JAM2: variants seen among roughly 807,000 people sequenced by gnomAD.
JAM2 encodes junctional adhesion molecule B.
Under a neutral mutation model 42.0 loss-of-function variants are expected in JAM2, and 17 were observed. The ratio of observed to expected loss-of-function variants is 0.40; its 90% CI spans 0.28 to 0.61. The LOEUF is 0.61. Among genes scored for constraint, JAM2 ranks in the 20% least tolerant of loss-of-function variants. The pLI is 0.37. For missense variants in JAM2, 319 were observed against 358.3 expected, an observed-to-expected ratio of 0.89 and a Z score of 0.89; for synonymous variants, 118 against 128.6, an observed-to-expected ratio of 0.92 and a Z score of 0.56.
chr21:25,690,271 C>T (rs1367853321), intron 3 of JAM2, among the ~76,000 whole-genome samples: 2 of 151,706 alleles, frequency 1.3e-5, no homozygotes, highest in Non-Finnish European at 1.5e-5. Flanking sequence ...CTTCCTTTCT[C>T]TTCTTTCTTT....
At position 25,682,460 on chromosome 21, in the gene JAM2, G is replaced by C. The variant is rs547414664; in HGVS notation, c.68-1423G>C. ...ATGGGAGAGTTCCCTGATCCCCCTC[G>C]CAGGACGTGCGACAGGGGTGTGGCT... On this transcript the variant is annotated intron_variant, in intron 1 of 9. Transcript: ENST00000480456. 8.1e-4 allele frequency among the ~76,000 whole-genome samples: 123 copies of C among 152,280 alleles called. 1 individual carries two copies. Among genetic ancestry groups the C allele is most frequent in the African/African-American group, 2.8e-3 (118 of 41,560 alleles).
chr21:25,662,139 T>C (rs1001611355), intron 1 of JAM2, among the ~76,000 whole-genome samples: 1 of 150,638 alleles, frequency 6.6e-6, no homozygotes, highest in Admixed American at 6.6e-5. Flanking sequence ...AACTTAATAC[T>C]TTTTTTTATT....
chr21:25,639,684 A>G lies in JAM2; in HGVS notation c.-138A>G, dbSNP rs2032368017. The G allele has an allele frequency of 5.1e-6, 3 of 585,138 alleles. No homozygotes were observed. The highest frequency in any genetic ancestry group is 4.5e-4 in the Middle Eastern group (1 of 2,214). 36.2% of individuals were successfully genotyped at this position (585,138 alleles called of 1,614,324 possible). A position where few individuals can be genotyped will look rare whatever the true frequency, so the allele number is the denominator to read the frequency against. ...GGAGGGGGAAACTGACATCCCATCT[A>G]GAGCCGTCCCTCCTCTTCCTCCCCT... On this transcript the variant is annotated 5_prime_UTR_variant, in exon 1 of 10. Coordinates refer to ENST00000480456, the MANE Select transcript of JAM2 (RefSeq NM_021219.4).
chr21:25,706,040 T>A lies in JAM2; in HGVS notation c.759T>A (p.Val253=). ...AVVVVALVIS[V]CGLGVCYAQR... is the part of the protein sequence containing the mutation. ...TAGTTGTGGCCTTAGTGATTTCCGT[T>A]TGTGGCCTTGGTGTATGCTATGCTC... The change falls in exon 7 of 10, where the codon GTT becomes GTA. Residue 253 remains valine, a synonymous_variant. Coordinates refer to ENST00000480456, the MANE Select transcript of JAM2 (RefSeq NM_021219.4). 1 of 1,613,998 alleles carries A rather than the reference T, an allele frequency of 6.2e-7. No individual in the cohort carries two copies.
At chr21:25,675,786 C>A (rs772534218) in intron 1 of JAM2, among the ~76,000 whole-genome samples, 5 of 152,098 alleles carry the variant, frequency 3.3e-5, no homozygotes, top group Non-Finnish European at 5.9e-5. Flanking sequence ...ACCAGCCCGA[C>A]TTCCAGCATT....
At chr21:25,681,235 C>T (rs2033623307) in intron 1 of JAM2, among the ~76,000 whole-genome samples, 1 of 152,172 alleles carries the variant, frequency 6.6e-6, no homozygotes, top group African/African-American at 2.4e-5. Flanking sequence ...AAATTGTCTA[C>T]TTGAGATGAC....
At chr21:25,652,286 C>T (rs566289460) in intron 1 of JAM2, among the ~76,000 whole-genome samples, 2 of 151,948 alleles carry the variant, frequency 1.3e-5, no homozygotes, top group Non-Finnish European at 2.9e-5. Context: ...CAGCTACTCA[C>T]GAGGCTGAGG....
intron 1 of JAM2, among the ~76,000 whole-genome samples, chr21:25,655,446 C>A (rs1600997582): frequency 8.2e-6 from 1 of 121,396 alleles, no homozygotes. Flanking sequence ...ATAAATAGAA[C>A]AAAGTGAATT....
chr21:25,701,831 A>C (rs936913666), intron 5 of JAM2, among the ~76,000 whole-genome samples: 1 of 152,098 alleles, frequency 6.6e-6, no homozygotes, highest in Non-Finnish European at 1.5e-5. Context: ...GATGTTTCCT[A>C]GGAATTAGAA....
At chr21:25,682,688 C>G (rs1000240490) in intron 1 of JAM2, among the ~76,000 whole-genome samples, 19 of 152,338 alleles carry the variant, frequency 1.2e-4, no homozygotes, top group Middle Eastern at 3.4e-3. Flanking sequence ...TTTCTGTATC[C>G]TGAGCTCTTG....
Position 25,639,665 on chromosome 21 carries a change from G to T in JAM2, c.-157G>T. The T allele has an allele frequency of 5.5e-6, 3 of 540,832 alleles. No individual in the cohort carries two copies. In the South Asian group the frequency reaches 7.2e-5, roughly 13 times the overall value. The allele number at this position is 540,832 out of a possible 1,614,324, so 33.5% of individuals were successfully genotyped here. A position where few individuals can be genotyped will look rare whatever the true frequency, so the allele number is the denominator to read the frequency against. ...AGCTGAGAAGGCGCCCCGGGGAGGGGGAAACTGACATCCCATCTAGAGCCG... is the reference window on the plus strand; with the variant it reads ...AGCTGAGAAGGCGCCCCGGGGAGGGTGAAACTGACATCCCATCTAGAGCCG... On this transcript the variant is annotated 5_prime_UTR_variant, in exon 1 of 10. Coordinates refer to ENST00000480456, the MANE Select transcript of JAM2 (RefSeq NM_021219.4).
At chr21:25,682,590 T>C (rs2033660565) in intron 1 of JAM2, among the ~76,000 whole-genome samples, 1 of 152,218 alleles carries the variant, frequency 6.6e-6, no homozygotes, top group African/African-American at 2.4e-5. Context: ...TGTGCCCTTT[T>C]AGCCTTGCCA....
At chr21:25,640,016 C>A (rs1176324525) in intron 1 of JAM2, 128 bp downstream of exon 1, 2 of 605,524 alleles carry the variant, frequency 3.3e-6, no homozygotes, top group African/African-American at 2.0e-5. Flanking sequence ...GGCGTCTGAC[C>A]TTGCGCCCAG....
At chr21:25,709,726 G>A (rs2034344638) in intron 8 of JAM2, 3 of 283,240 alleles carry the variant, frequency 1.1e-5, no homozygotes, top group Non-Finnish European at 2.0e-5. Flanking sequence ...CTTGGCTTTT[G>A]GGGAGGCCTC....
In JAM2 at chr21:25,698,769, G is replaced by GCTC. The variant is rs756773475; in HGVS notation, c.490_492dup (p.Pro164dup). 4 of 1,614,120 alleles carry GCTC rather than the reference G, an allele frequency of 2.5e-6. No individual in the cohort carries two copies. The South Asian group carries it at 4.4e-5, about 18-fold the overall frequency. ...ATGTCAAGACAAAGAAGGGAATCCA[G>GCTC]CTCCTGAATACACATGGTTTAAGGA... On this transcript the variant is annotated inframe_insertion, in exon 5 of 10. Transcript: ENST00000480456.
rs996681017 is a variant in JAM2, at chr21:25,714,694, C to T, written c.*22C>T. The T allele has an allele frequency of 6.9e-7, 1 of 1,457,644 alleles. No individual in the cohort carries two copies. The highest frequency in any genetic ancestry group is 2.5e-5 in the East Asian group (1 of 39,524). 90.3% of individuals were successfully genotyped at this position (1,457,644 alleles called of 1,614,324 possible). On this transcript the variant is annotated 3_prime_UTR_variant, in exon 10 of 10. Coordinates refer to ENST00000480456, the MANE Select transcript of JAM2 (RefSeq NM_021219.4). ...TTAAAGACTCCACTTTAGAGATACA[C>T]CAAAGCCACCGTTGTTACACAAGTT...
chr21:25,641,425 T>A (rs1318242439), intron 1 of JAM2, among the ~76,000 whole-genome samples: 1 of 152,152 alleles, frequency 6.6e-6, no homozygotes, highest in Non-Finnish European at 1.5e-5. Context: ...AAAGCATAAA[T>A]GAATGGGGCT....
At chr21:25,654,199 A>T (rs2032860581) in intron 1 of JAM2, among the ~76,000 whole-genome samples, 1 of 152,240 alleles carries the variant, frequency 6.6e-6, no homozygotes. Context: ...ATAATGAAAA[A>T]ATAATAGAAT....
chr21:25,685,962 C>T (rs962659977), intron 2 of JAM2, among the ~76,000 whole-genome samples: 1 of 152,178 alleles, frequency 6.6e-6, no homozygotes, highest in Non-Finnish European at 1.5e-5. Context: ...GTTAGGACAT[C>T]AAAATTATAT....
Sources: allele counts gnomAD v4.1 joint callset (sites outside exome capture counted in the v4.1 genomes callset), GRCh38; gene constraint gnomAD v4.1.1; transcripts MANE v1.5; gene names NCBI Gene and HGNC (gene_info 2026-07-23, HGNC 2026-07-21).